The following ZNF385D variants were observed in gnomAD, a reference collection of about 807,000 sequenced individuals.
ZNF385D encodes the protein zinc finger protein 659.
Under a neutral mutation model 35.8 loss-of-function variants are expected in ZNF385D, and 15 were observed. That is an observed-to-expected ratio of 0.42 (90% CI 0.28 to 0.64). The LOEUF (loss-of-function observed/expected upper bound fraction) is 0.64, where lower values mean the gene tolerates loss of function less well. ZNF385D is among the 30% of genes least tolerant of loss of function. The pLI is 0.23. For synonymous variants in ZNF385D, 212 were observed against 186.8 expected (o/e 1.13, Z -1.10); for missense variants, 474 against 494.6 (o/e 0.96, Z 0.39).
intron 3 of ZNF385D, among the ~76,000 whole-genome samples, chr3:22,003,133 T>C (rs1453834447): frequency 6.6e-6 from 1 of 152,164 alleles, no homozygotes; most frequent in Non-Finnish European, 1.5e-5. Flanking sequence ...AGTCAAATTG[T>C]CCTTCTTCGC....
chr3:21,458,181 G>C (rs373293), intron 4 of ZNF385D, among the ~76,000 whole-genome samples: 25,978 of 151,948 alleles, frequency 0.17, 2,410 homozygotes, highest in Non-Finnish European at 0.2. Context: ...TTAAGAAACA[G>C]ATGAAGAGGG....
intron 3 of ZNF385D, among the ~76,000 whole-genome samples, chr3:21,778,260 T>C (rs2071366070): frequency 6.6e-6 from 1 of 151,918 alleles, no homozygotes; most frequent in African/African-American, 2.4e-5. Flanking sequence ...GGAAGCATTT[T>C]CATTTACTGG....
chr3:21,719,694 T>C (rs1468475156), intron 1 of ZNF385D, among the ~76,000 whole-genome samples: 1 of 152,196 alleles, frequency 6.6e-6, no homozygotes, highest in Non-Finnish European at 1.5e-5. Flanking sequence ...TGTAAGACTC[T>C]CTAGCGCCAG....
At chr3:21,949,309 T>G (rs1383993473) in intron 3 of ZNF385D, among the ~76,000 whole-genome samples, 1 of 152,206 alleles carries the variant, frequency 6.6e-6, no homozygotes, top group Non-Finnish European at 1.5e-5. Flanking sequence ...TGTGTCTGTG[T>G]GTGCACACAT....
chr3:21,535,969 A>C (rs2062026555), intron 3 of ZNF385D, among the ~76,000 whole-genome samples: 1 of 149,890 alleles, frequency 6.7e-6, no homozygotes, highest in African/African-American at 2.4e-5. Context: ...GGGATGAAGA[A>C]AATATCCTGG....
rs77134435 is a variant in ZNF385D, at chr3:21,590,125, C to T, written c.166-25441G>A. Among the ~76,000 whole-genome samples, 235 of 152,164 alleles carry T rather than the reference C, an allele frequency of 1.5e-3. 2 individuals carry two copies. The East Asian group carries it at 0.042, about 27-fold the overall frequency. On this transcript the variant is annotated intron_variant, in intron 2 of 7. Transcript: ENST00000281523. ...CCATCTACAGTGGAATAGACCTGTA[C>T]CCTATGGTCTATTCACACAGCAGAT...
At chr3:21,844,291 A>G (rs922528585) in intron 3 of ZNF385D, among the ~76,000 whole-genome samples, 1 of 151,948 alleles carries the variant, frequency 6.6e-6, no homozygotes, top group Non-Finnish European at 1.5e-5. Flanking sequence ...ACAATATCAT[A>G]AGAGTGTTTT....
rs1699780854 is a variant in ZNF385D, at chr3:21,908,126, C to CTTTCTCTCTA, written c.326-243099_326-243098insTAGAGAGAAA. Among the ~76,000 whole-genome samples the CTTTCTCTCTA allele has an allele frequency of 3.5e-5, 4 of 115,114 alleles. No individual in the cohort carries two copies. The South Asian group carries it at 1.2e-3, about 34-fold the overall frequency. The allele number at this position is 115,114 out of a possible 152,430, so 75.5% of individuals were successfully genotyped here. A position where few individuals can be genotyped will look rare whatever the true frequency, so the allele number is the denominator to read the frequency against. On this transcript the variant is annotated intron_variant, in intron 3 of 5. Transcript: ENST00000494108. ...TATATATCTTTCTCTCTATATCTAT[C>CTTTCTCTCTA]TATCTATCTATCTATCTATCTATCT...
intron 4 of ZNF385D, among the ~76,000 whole-genome samples, chr3:21,510,205 C>T (rs1318579128): frequency 1.3e-5 from 2 of 152,162 alleles, no homozygotes. Flanking sequence ...GGAAACCTCA[C>T]TAGCTTCCCC....
In ZNF385D at chr3:21,424,067, A is replaced by G. The variant is rs764145899; in HGVS notation, c.853-3T>C. ...TTGTGCCTTCTACTGCTAATGTGCT[A>G]TTAAAAGTAATTTAAAATGACAGCT... On this transcript the variant is annotated splice_polypyrimidine_tract_variant and splice_region_variant and intron_variant, in intron 6 of 7. Coordinates refer to ENST00000281523, the MANE Select transcript of ZNF385D (RefSeq NM_024697.3). 4 of 1,559,032 alleles carry G rather than the reference A, an allele frequency of 2.6e-6. No homozygotes were observed. The African/African-American group carries it at 5.6e-5, about 22-fold the overall frequency.
intron 3 of ZNF385D, among the ~76,000 whole-genome samples, chr3:21,520,508 G>C (rs1056093003): frequency 6.6e-6 from 1 of 152,192 alleles, no homozygotes; most frequent in African/African-American, 2.4e-5. Flanking sequence ...CGCCTTATCT[G>C]TTGAACACAC....
At chr3:22,013,081 C>G (rs920618632) in intron 3 of ZNF385D, among the ~76,000 whole-genome samples, 1 of 151,992 alleles carries the variant, frequency 6.6e-6, no homozygotes, top group African/African-American at 2.4e-5. Flanking sequence ...TAAGCTCAAA[C>G]AGAATGTAAA....
At chr3:22,011,829 A>G (rs1696591645) in intron 3 of ZNF385D, among the ~76,000 whole-genome samples, 1 of 152,142 alleles carries the variant, frequency 6.6e-6, no homozygotes, top group South Asian at 2.1e-4. Flanking sequence ...TGAAATTCCA[A>G]TGGATATCTA....
chr3:21,975,766 G>A (rs1349806021), intron 3 of ZNF385D, among the ~76,000 whole-genome samples: 3 of 122,850 alleles, frequency 2.4e-5, no homozygotes, highest in Admixed American at 9.5e-5. Context: ...CACACACTAT[G>A]GTATCCACAA....
At chr3:22,159,083 T>C (rs1333680610) in intron 3 of ZNF385D, among the ~76,000 whole-genome samples, 3 of 151,808 alleles carry the variant, frequency 2.0e-5, no homozygotes, top group Non-Finnish European at 4.4e-5. Flanking sequence ...AGGTAAAAGA[T>C]GAAGAAACAA....
chr3:22,085,592 C>G (rs1576292978), intron 3 of ZNF385D, among the ~76,000 whole-genome samples: 1 of 152,088 alleles, frequency 6.6e-6, no homozygotes, highest in South Asian at 2.1e-4. Flanking sequence ...TAACAGCCTA[C>G]CAACCAAAAA....
intron 3 of ZNF385D, among the ~76,000 whole-genome samples, chr3:22,154,808 T>A (rs560288827): frequency 2.6e-5 from 4 of 152,336 alleles, no homozygotes; most frequent in African/African-American, 9.6e-5. Flanking sequence ...AACTTTATTC[T>A]GTTTTAAATT....
intron 3 of ZNF385D, among the ~76,000 whole-genome samples, chr3:22,099,451 A>T (rs1354150352): frequency 6.6e-6 from 1 of 152,076 alleles, no homozygotes; most frequent in East Asian, 1.9e-4. Context: ...TGCATTAAGC[A>T]ATGTTCTCCA....
chr3:22,033,874 T>C (rs1353851171), intron 3 of ZNF385D, among the ~76,000 whole-genome samples: 1 of 152,212 alleles, frequency 6.6e-6, no homozygotes, highest in Non-Finnish European at 1.5e-5. Flanking sequence ...ATAATCAGGA[T>C]GTAAGGTTAC....
Sources: allele counts gnomAD v4.1 joint callset (sites outside exome capture counted in the v4.1 genomes callset), GRCh38; gene constraint gnomAD v4.1.1; transcripts MANE v1.5; gene names NCBI Gene and HGNC (gene_info 2026-07-23, HGNC 2026-07-21).